The following SLC6A4 variants were observed in gnomAD, a reference collection of about 807,000 sequenced individuals.
SLC6A4 encodes sodium-dependent serotonin transporter.
A neutral mutation model predicts 73.4 loss-of-function variants in SLC6A4; 22 were observed. The ratio of observed to expected loss-of-function variants is 0.30; its 90% CI spans 0.21 to 0.43. SLC6A4 has a LOEUF of 0.43. Among genes scored for constraint, SLC6A4 ranks in the 20% least tolerant of loss-of-function variants. The pLI, the probability that SLC6A4 is intolerant of heterozygous loss-of-function variation, is 1.00. For synonymous variants in SLC6A4, 270 were observed against 315.5 expected, an observed-to-expected ratio of 0.86 and a Z score of 1.53; for missense variants, 593 against 808.5, an observed-to-expected ratio of 0.73 and a Z score of 3.23.
At chr17:30,203,112 T>C in intron 14 of SLC6A4, 60 bp downstream of exon 14, 2 of 1,377,432 alleles carry the variant, frequency 1.5e-6, no homozygotes, top group Non-Finnish European at 2.0e-6. Flanking sequence ...AAGATAATCC[T>C]TTTCTCCCAA....
chr17:30,225,650 T>C (rs1029107490), intron 1 of SLC6A4, among the ~76,000 whole-genome samples: 6 of 152,190 alleles, frequency 3.9e-5, no homozygotes, highest in African/African-American at 1.4e-4. Context: ...AGCCTTCCTT[T>C]GCATCTTGGA....
At chr17:30,218,996 T>C (rs1906668254) in intron 3 of SLC6A4, 65 bp from the exon 4 acceptor site, 10 of 1,594,376 alleles carry the variant, frequency 6.3e-6, no homozygotes, top group Non-Finnish European at 8.6e-6. Flanking sequence ...CCAACCAATC[T>C]GTGACTGAGA....
At chr17:30,226,475 G>C (rs952536331) in intron 1 of SLC6A4, among the ~76,000 whole-genome samples, 1 of 152,206 alleles carries the variant, frequency 6.6e-6, no homozygotes, top group African/African-American at 2.4e-5. Context: ...CAAGGCGGGC[G>C]GATCACCTGA....
chr17:30,214,990 TC>T (rs1906518718), intron 8 of SLC6A4, among the ~76,000 whole-genome samples: 5 of 111,620 alleles, frequency 4.5e-5, no homozygotes, highest in South Asian at 6.6e-4. Flanking sequence ...TCTTTTTCTT[TC>T]CTTCCTTCCT....
At position 30,217,202 on chromosome 17, in the gene SLC6A4, G is replaced by A. The variant is rs1906605223; in HGVS notation, c.801C>T (p.Tyr267=). The change falls in exon 6 of 15, where the codon TAC becomes TAT. Residue 267 remains tyrosine (Y), a synonymous_variant. Coordinates refer to ENST00000650711, the MANE Select transcript of SLC6A4 (RefSeq NM_001045.6). ...LCIMLIFTVI[Y]FSIWKGVKTS... ...TCTTGACGCCTTTCCAGATGCTGAA[G>A]TAGATAACAGTGAAGATCAGCATGA... 1 of 1,614,108 alleles carries A rather than the reference G, an allele frequency of 6.2e-7. No individual in the cohort carries two copies. The highest frequency in any genetic ancestry group is 8.5e-7 in the Non-Finnish European group (1 of 1,179,954).
rs201604736 is a variant in SLC6A4, at chr17:30,209,171, G to A, written c.1521C>T (p.Ile507=). The A allele has an allele frequency of 3.9e-5, 63 of 1,613,524 alleles. No homozygotes were observed. Among genetic ancestry groups the A allele is most frequent in the South Asian group, 1.8e-4 (16 of 91,028 alleles). The change falls in exon 12 of 15, where the codon ATC becomes ATT. Residue 507 remains isoleucine (I), a synonymous_variant. Coordinates refer to ENST00000650711, the MANE Select transcript of SLC6A4 (RefSeq NM_001045.6). ...AGAACCAAGACACAGCGACTGCTTC[G>A]ATCAGCGCGACAGTGAGCACTGCGG... ...TGPAVLTVAL[I]EAVAVSWFYG... is the part of the protein sequence containing the mutation.
At chr17:30,216,251 AGGGAG>A (rs762398842) in intron 6 of SLC6A4, 35 bp from the exon 7 acceptor site, 210 of 485,258 alleles carry the variant, frequency 4.3e-4, no homozygotes, top group African/African-American at 7.8e-4. Flanking sequence ...ATGCTGTTCC[AGGGAG>A]GGGAGGGGAG....
intron 1 of SLC6A4, among the ~76,000 whole-genome samples, chr17:30,232,118 A>G (rs1483078592): frequency 6.6e-6 from 1 of 152,252 alleles, no homozygotes; most frequent in Non-Finnish European, 1.5e-5. Flanking sequence ...ACAGTTCAGT[A>G]ACAAAGGAAA....
At chr17:30,219,184 G>A (rs533296322) in intron 3 of SLC6A4, among the ~76,000 whole-genome samples, 27 of 152,252 alleles carry the variant, frequency 1.8e-4, no homozygotes, top group Non-Finnish European at 3.2e-4. Context: ...TTTGGGAGTC[G>A]ACAGAACAGG....
At position 30,230,643 on chromosome 17, in the gene SLC6A4, A is replaced by G. The variant is rs973530089; in HGVS notation, c.-221+4970T>C. On this transcript the variant is annotated intron_variant, in intron 1 of 14. Transcript: ENST00000650711. ...AGGGAAGTGGGGAAAAGGGGGTTTG[A>G]AGTGGAACTACAAAATAAAATGGGA... Among the ~76,000 whole-genome samples, 5 of 152,096 alleles carry G rather than the reference A, an allele frequency of 3.3e-5. No individual in the cohort carries two copies. The South Asian group carries it at 6.2e-4, about 19-fold the overall frequency.
At position 30,199,266 on chromosome 17, in the gene SLC6A4, T is replaced by A. The variant is rs548893060; in HGVS notation, c.1819-736A>T. Among the ~76,000 whole-genome samples, 6 of 151,506 alleles carry A rather than the reference T, an allele frequency of 4.0e-5. No homozygotes were observed. The South Asian group carries it at 8.4e-4, about 21-fold the overall frequency. On this transcript the variant is annotated intron_variant, in intron 14 of 14. Coordinates refer to ENST00000650711, the MANE Select transcript of SLC6A4 (RefSeq NM_001045.6). The stretch of plus-strand genomic sequence containing the variant: ...TAGGTGTGAAATATACAACTGGCCT[T>A]GTAAAACTCAGCATCAGAGTGGCAA...
At chr17:30,217,967 C>G in intron 5 of SLC6A4, 151 bp downstream of exon 5, 1 of 645,202 alleles carries the variant, frequency 1.5e-6, no homozygotes, top group Non-Finnish European at 2.8e-6. Flanking sequence ...GTAGAGTTTC[C>G]CAGCTCCAAA....
intron 3 of SLC6A4, among the ~76,000 whole-genome samples, chr17:30,220,123 C>T (rs1906700771): frequency 6.6e-6 from 1 of 152,138 alleles, no homozygotes; most frequent in Admixed American, 6.5e-5. Flanking sequence ...CCTGGAACTA[C>T]CTTTGCAACT....
chr17:30,223,698 C>T (rs750545394), intron 1 of SLC6A4, among the ~76,000 whole-genome samples: 2 of 152,062 alleles, frequency 1.3e-5, no homozygotes, highest in Admixed American at 6.6e-5. Context: ...GGGAGGTAGA[C>T]GTCTTGGGCT....
Position 30,221,563 on chromosome 17 carries a change from G to A in SLC6A4, c.343+53C>T, listed in dbSNP as rs940171059. ...CCCACCCCGGGTCACAGCCCACTCC[G>A]GGTCACAGCCCACCCTGGGTCACAG... On this transcript the variant is annotated intron_variant, in intron 3 of 14. Transcript: ENST00000650711. 1.1e-5 allele frequency: 16 copies of A among 1,514,724 alleles called. No homozygotes were observed. The Admixed American group carries it at 1.5e-4, about 15-fold the overall frequency. The allele number at this position is 1,514,724 out of a possible 1,614,324, so 93.8% of individuals were successfully genotyped here. A position where few individuals can be genotyped will look rare whatever the true frequency, so the allele number is the denominator to read the frequency against.
rs1905935288 is a variant in SLC6A4 at position 30,198,524 on chromosome 17, T to C, written c.1825A>G (p.Ile609Val). Residue 609 changes from isoleucine (I) to valine (V), a missense_variant, in exon 15 of 15, where the codon ATT (isoleucine) becomes GTT (valine). Physicochemically the swap from Ile to Val is conservative, Grantham distance 29. Transcript: ENST00000650711. Reference sequence around the variant, plus strand: ...GGTGTTTCTGGGGTAATACTTTTAATAATACGCTATTGGGAAGAAAATACA... The same window carrying C: ...GGTGTTTCTGGGGTAATACTTTTAACAATACGCTATTGGGAAGAAAATACA... Reference protein sequence around the residue: ...ITPGTFKERIIKSITPETPTE... With the variant: ...ITPGTFKERIVKSITPETPTE... The C allele has an allele frequency of 1.9e-6, 3 of 1,575,538 alleles. No homozygotes were observed. The highest frequency in any genetic ancestry group is 2.6e-6 in the Non-Finnish European group (3 of 1,145,820).
rs1905805967 is a variant in SLC6A4, at chr17:30,194,897, A to T, written c.*3559T>A. ...TCTTCTTAGTTCAGTAGACATTCAA[A>T]CTTATTCTGACGAGGTCCTTCACCA... is the stretch of plus-strand genomic sequence containing the variant. On this transcript the variant is annotated 3_prime_UTR_variant, in exon 15 of 15. Transcript: ENST00000650711. The T allele has an allele frequency of 6.6e-6, 1 of 152,168 alleles. No homozygotes were observed. The highest frequency in any genetic ancestry group is 1.5e-5 in the Non-Finnish European group (1 of 68,034). 9.4% of individuals were successfully genotyped at this position (152,168 alleles called of 1,614,324 possible).
At position 30,208,993 on chromosome 17, in the gene SLC6A4, C is replaced by G; in HGVS notation, c.1549+150G>C. On this transcript the variant is annotated intron_variant, in intron 12 of 14. Coordinates refer to ENST00000650711, the MANE Select transcript of SLC6A4 (RefSeq NM_001045.6). Reference sequence around the variant, plus strand: ...CTGGGATTACAGGCGTGAGCCACCGCGCCTGGCCGAGACTCTTTTACAGAC... The same window carrying G: ...CTGGGATTACAGGCGTGAGCCACCGGGCCTGGCCGAGACTCTTTTACAGAC... 6.0e-6 allele frequency: 3 copies of G among 501,356 alleles called. No homozygotes were observed. In the South Asian group the frequency reaches 8.9e-5, roughly 15 times the overall value. The allele number at this position is 501,356 out of a possible 1,614,324, so 31.1% of individuals were successfully genotyped here.
Position 30,235,145 on chromosome 17 carries a change from G to C in SLC6A4, c.-221+468C>G, listed in dbSNP as rs1164901462. Among the ~76,000 whole-genome samples the C allele has an allele frequency of 1.3e-5, 2 of 152,136 alleles. No individual in the cohort carries two copies. The highest frequency in any genetic ancestry group is 6.5e-5 in the Admixed American group (1 of 15,290). ...TAGGCGCCACTCAGAGATTTCTCTAGCTGTCTGGGCATTTGTGTCAACCAG... is the reference window on the plus strand; with the variant it reads ...TAGGCGCCACTCAGAGATTTCTCTACCTGTCTGGGCATTTGTGTCAACCAG... On this transcript the variant is annotated intron_variant, in intron 1 of 14. Transcript: ENST00000650711. This position sits in a 1 kb window ranked among gnomAD's most constrained non-coding sequence, Gnocchi z 4.5.
Sources: gnomAD v4.1 joint callset for allele counts (sites outside exome capture counted in the v4.1 genomes callset) on GRCh38, gnomAD v4.1.1 for gene constraint, Gnocchi (gnomAD v3.1) non-coding constraint, MANE v1.5 for transcripts, NCBI Gene and HGNC (gene_info 2026-07-23, HGNC 2026-07-21) for gene names.